The following MRPS5 variants were observed in gnomAD, a reference collection of about 807,000 sequenced individuals.
MRPS5 encodes mitochondrial ribosomal protein S5.
A neutral mutation model predicts 51.9 loss-of-function variants in MRPS5; 27 were observed. The ratio of observed to expected loss-of-function variants is 0.52; its 90% confidence interval spans 0.38 to 0.72. The LOEUF (loss-of-function observed/expected upper bound fraction) is 0.72. Among genes scored for constraint, MRPS5 ranks in the 30% least tolerant of loss-of-function variants. The pLI, the probability that MRPS5 is intolerant of heterozygous loss-of-function variation, is 0.00. For missense variants in MRPS5, 570 were observed against 545.7 expected (o/e 1.04, Z -0.44); for synonymous variants, 196 against 193.2 (o/e 1.01, Z -0.12).
At position 95,100,826 on chromosome 2, in the gene MRPS5, T is replaced by C. The variant is rs1157927127; in HGVS notation, c.868+11A>G. ...TGCAAATTAAAAAAAAAAAAATAGATTATCACTCACTTGTATGGTCTTCAT... is the reference window on the plus strand; with the variant it reads ...TGCAAATTAAAAAAAAAAAAATAGACTATCACTCACTTGTATGGTCTTCAT... On this transcript the variant is annotated intron_variant, in intron 9 of 11. Transcript: ENST00000272418. 2 of 1,576,900 alleles carry C rather than the reference T, an allele frequency of 1.3e-6. No individual in the cohort carries two copies. Among genetic ancestry groups the C allele is most frequent in the East Asian group, 4.5e-5 (2 of 44,524 alleles).
intron 3 of MRPS5, among the ~76,000 whole-genome samples, chr2:95,112,671 G>A (rs922452374): frequency 2.0e-5 from 3 of 152,082 alleles, no homozygotes; most frequent in African/African-American, 7.2e-5. Context: ...GGCCCAATTG[G>A]AGCAAATCTT....
chr2:95,094,194 T>TA (rs1241588111), intron 10 of MRPS5, among the ~76,000 whole-genome samples: 5 of 150,970 alleles, frequency 3.3e-5, no homozygotes, highest in African/African-American at 4.9e-5. Flanking sequence ...GAAAAAAGAG[T>TA]AAAAAAACGA....
At chr2:95,090,308 C>T in intron 11 of MRPS5, 78 bp downstream of exon 11, 1 of 1,519,628 alleles carries the variant, frequency 6.6e-7, no homozygotes. Flanking sequence ...TCCAGGAGGC[C>T]CCAGGGCATC....
Position 95,087,487 on chromosome 2 carries a change from CG to C in MRPS5, c.1162del (p.Arg388GlyfsTer4). On this transcript the variant is annotated frameshift_variant, in exon 12 of 12. Transcript: ENST00000272418. LOFTEE classifies it high-confidence loss of function. The stretch of plus-strand genomic sequence containing the variant: ...CTCTGGATCCTTCCTCAAGGGCCCC[CG>C]GGGGGACGCAACCACAATGGGCAGA... ...GPLPIVVASP[R>X]GPLRKDPEPE... The C allele has an allele frequency of 6.2e-7, 1 of 1,614,144 alleles. No homozygotes were observed. Among genetic ancestry groups the C allele is most frequent in the Non-Finnish European group, 8.5e-7 (1 of 1,180,026 alleles).
chr2:95,101,876 G>A (rs1675814904), intron 7 of MRPS5, 153 bp from the exon 8 acceptor site: 1 of 597,708 alleles, frequency 1.7e-6, no homozygotes, highest in Non-Finnish European at 2.9e-6. Context: ...TTAATAGGCT[G>A]GGTGTAATGA....
At chr2:95,087,649 C>T in intron 11 of MRPS5, 68 bp from the exon 12 acceptor site, 3 of 1,354,914 alleles carry the variant, frequency 2.2e-6, no homozygotes, top group Non-Finnish European at 3.1e-6. Context: ...GCAGGAACTT[C>T]CACAGGCCAC....
chr2:95,106,539 CA>C, intron 5 of MRPS5, 82 bp from the exon 6 acceptor site: 1 of 1,160,322 alleles, frequency 8.6e-7, no homozygotes, highest in Non-Finnish European at 1.3e-6. Flanking sequence ...CAGGCACCAT[CA>C]CAGACCTTTC....
At chr2:95,104,501 G>A in intron 7 of MRPS5, 139 bp downstream of exon 7, 1 of 831,600 alleles carries the variant, frequency 1.2e-6, no homozygotes, top group East Asian at 2.5e-5. Context: ...CACAAGCTTT[G>A]TGAACCCAAA....
At chr2:95,097,083 C>T (rs1298244891) in intron 10 of MRPS5, among the ~76,000 whole-genome samples, 2 of 152,132 alleles carry the variant, frequency 1.3e-5, no homozygotes, top group Non-Finnish European at 2.9e-5. Context: ...TGAACTCCCA[C>T]TCACAATTGC....
chr2:95,100,948 G>A, intron 8 of MRPS5, 54 bp from the exon 9 acceptor site: 1 of 1,459,656 alleles, frequency 6.9e-7, no homozygotes, highest in Non-Finnish European at 9.4e-7. Flanking sequence ...ATCTTTTCAA[G>A]GATTCCAAAA....
intron 3 of MRPS5, among the ~76,000 whole-genome samples, chr2:95,110,939 T>C (rs1444030644): frequency 6.6e-6 from 1 of 152,192 alleles, no homozygotes; most frequent in Non-Finnish European, 1.5e-5. Context: ...GTACCTTCAT[T>C]CTCTTATGAA....
intron 2 of MRPS5, among the ~76,000 whole-genome samples, chr2:95,116,526 C>T (rs1247872725): frequency 6.6e-6 from 1 of 152,156 alleles, no homozygotes; most frequent in Admixed American, 6.5e-5. Flanking sequence ...TTGTTTAAAA[C>T]GTGTTATAAT....
chr2:95,105,651 G>C (rs2104413953), intron 6 of MRPS5, among the ~76,000 whole-genome samples: 1 of 152,184 alleles, frequency 6.6e-6, no homozygotes, highest in Non-Finnish European at 1.5e-5. Context: ...GGGGTTAAAA[G>C]AAAAGGGAGC....
At chr2:95,109,059 G>A (rs1053065970) in intron 4 of MRPS5, among the ~76,000 whole-genome samples, 6 of 151,794 alleles carry the variant, frequency 4.0e-5, no homozygotes, top group African/African-American at 1.5e-4. Context: ...CCAATATGAG[G>A]CCAGTGGTTT....
At chr2:95,117,140 C>G (rs1444008520) in intron 2 of MRPS5, among the ~76,000 whole-genome samples, 1 of 134,294 alleles carries the variant, frequency 7.4e-6, no homozygotes, top group Non-Finnish European at 1.6e-5. Flanking sequence ...GACTCCATCT[C>G]AAAAAGAAAA....
At chr2:95,102,653 C>G (rs1330274440) in intron 7 of MRPS5, among the ~76,000 whole-genome samples, 5 of 152,100 alleles carry the variant, frequency 3.3e-5, no homozygotes, top group Admixed American at 2.0e-4. Context: ...CAGAGCAAGA[C>G]CCTGTCTCAG....
intron 5 of MRPS5, 23 bp downstream of exon 5, chr2:95,108,151 CA>C (rs763204034): frequency 1.2e-6 from 2 of 1,603,130 alleles, no homozygotes; most frequent in Non-Finnish European, 1.7e-6. Context: ...GTCACAAAGG[CA>C]AACAAAACCA....
rs567995898 is a variant in MRPS5 at position 95,106,450 on chromosome 2, A to G, written c.645T>C (p.Tyr215=). The G allele has an allele frequency of 1.4e-5, 22 of 1,611,368 alleles. No homozygotes were observed. The highest frequency in any genetic ancestry group is 5.3e-5 in the African/African-American group (4 of 74,768). The change falls in exon 6 of 12, where the codon TAT becomes TAC. Residue 215 remains tyrosine, a synonymous_variant. Transcript: ENST00000272418. ...CAAGTATCCTGGTATCAAAATCCTCATATGTTTCTGTAGGGAGAAAAGAAA... is the reference window on the plus strand; with the variant it reads ...CAAGTATCCTGGTATCAAAATCCTCGTATGTTTCTGTAGGGAGAAAAGAAA... ...PPDPGPCGET[Y]EDFDTRILEV... is the part of the protein sequence containing the mutation.
intron 10 of MRPS5, chr2:95,093,150 G>C (rs1355465393): frequency 6.6e-6 from 1 of 152,336 alleles, no homozygotes; most frequent in Non-Finnish European, 1.5e-5. Context: ...GCCCTGGCTA[G>C]GGGAGGGGTG....
Sources: gnomAD v4.1 joint callset for allele counts (sites outside exome capture counted in the v4.1 genomes callset) on GRCh38, gnomAD v4.1.1 for gene constraint, MANE v1.5 for transcripts, NCBI Gene and HGNC (gene_info 2026-07-23, HGNC 2026-07-21) for gene names.